Variants in SLC71A2 observed in about 807,000 individuals in gnomAD.
The protein encoded by SLC71A2 is hippocampus abundant transcript-like 1.
chr9:94,392,669 T>A, the SLC71A2 span, among the ~76,000 whole-genome samples: 5 of 152,102 alleles, frequency 3.3e-5, no homozygotes, highest in African/African-American at 1.2e-4. Flanking sequence ...CCCAGCTAAT[T>A]TTTGTATTTT....
the SLC71A2 span, among the ~76,000 whole-genome samples, chr9:94,400,361 G>T: frequency 6.6e-6 from 1 of 151,984 alleles, no homozygotes; most frequent in African/African-American, 2.4e-5. Context: ...CCTGAGGAAA[G>T]AACTCATTGG....
chr9:94,439,949 A>G, the SLC71A2 span, among the ~76,000 whole-genome samples: 8 of 152,206 alleles, frequency 5.3e-5, no homozygotes, highest in South Asian at 1.7e-3. Context: ...TGACTAATGA[A>G]TATTAGTAAA....
chr9:94,448,832 C>T, the SLC71A2 span, among the ~76,000 whole-genome samples: 86 of 152,234 alleles, frequency 5.6e-4, no homozygotes, highest in African/African-American at 2.0e-3. Context: ...AGGGTTTTAC[C>T]ATGTTGGTCA....
chr9:94,391,761 C>T, the SLC71A2 span, among the ~76,000 whole-genome samples: 25 of 149,668 alleles, frequency 1.7e-4, no homozygotes, highest in African/African-American at 4.7e-4. Flanking sequence ...TGGTAGTGGG[C>T]ACGTGTAGTC....
At chr9:94,439,085 G>A in the SLC71A2 span, among the ~76,000 whole-genome samples, 4 of 138,268 alleles carry the variant, frequency 2.9e-5, no homozygotes, top group East Asian at 4.5e-4. Context: ...GCAGTGGCAC[G>A]ATCTTGGCTT....
At chr9:94,381,561 T>A in the SLC71A2 span, among the ~76,000 whole-genome samples, 1 of 152,284 alleles carries the variant, frequency 6.6e-6, no homozygotes, top group South Asian at 2.1e-4. Context: ...AGTTTTTGGC[T>A]ATTACAAATA....
At chr9:94,384,974 G>A in the SLC71A2 span, among the ~76,000 whole-genome samples, 1 of 151,334 alleles carries the variant, frequency 6.6e-6, no homozygotes, top group African/African-American at 2.4e-5. Context: ...TTGTCTTTCT[G>A]CCTTCTCCCT....
chr9:94,411,820 A>C, the SLC71A2 span, among the ~76,000 whole-genome samples: 2 of 151,920 alleles, frequency 1.3e-5, no homozygotes, highest in African/African-American at 4.8e-5. Flanking sequence ...TGAACTCCTG[A>C]CCTCAAGTGA....
chr9:94,434,517 A>G, the SLC71A2 span, among the ~76,000 whole-genome samples: 2 of 151,918 alleles, frequency 1.3e-5, no homozygotes, highest in South Asian at 2.1e-4. Flanking sequence ...GGGTTTCACC[A>G]TGTTCGCCAG....
the SLC71A2 span, among the ~76,000 whole-genome samples, chr9:94,414,683 A>G: frequency 4.6e-3 from 705 of 152,240 alleles, 2 homozygotes; most frequent in Middle Eastern, 6.8e-3. Context: ...CTTTCAAGAT[A>G]GAGTCTTGCT....
chr9:94,445,698 G>A, the SLC71A2 span, among the ~76,000 whole-genome samples: 1 of 151,804 alleles, frequency 6.6e-6, no homozygotes, highest in African/African-American at 2.4e-5. Flanking sequence ...TGGGAAGGTG[G>A]TGTGTCACTG....
the SLC71A2 span, among the ~76,000 whole-genome samples, chr9:94,442,994 C>T: frequency 6.6e-6 from 1 of 152,162 alleles, no homozygotes; most frequent in Non-Finnish European, 1.5e-5. Flanking sequence ...GGACAGCTTT[C>T]TTCTACAGCA....
chr9:94,420,776 G>A, the SLC71A2 span, among the ~76,000 whole-genome samples: 1 of 152,022 alleles, frequency 6.6e-6, no homozygotes, highest in Admixed American at 6.6e-5. Flanking sequence ...GCATGCGCCT[G>A]TAGTCCCAGC....
the SLC71A2 span, among the ~76,000 whole-genome samples, chr9:94,424,897 A>C: frequency 1.4e-5 from 2 of 147,256 alleles, no homozygotes; most frequent in Non-Finnish European, 3.0e-5. Flanking sequence ...GTGCCACCAC[A>C]ACTGGCTTTT....
chr9:94,418,362 A>G, the SLC71A2 span, among the ~76,000 whole-genome samples: 5 of 152,130 alleles, frequency 3.3e-5, no homozygotes, highest in African/African-American at 1.2e-4. Flanking sequence ...GGATTACCAA[A>G]TTTTTAACTG....
chr9:94,401,062 A>T, the SLC71A2 span, among the ~76,000 whole-genome samples: 1 of 151,398 alleles, frequency 6.6e-6, no homozygotes, highest in Non-Finnish European at 1.5e-5. Context: ...AATGACAGTG[A>T]CACATAATGA....
the SLC71A2 span, among the ~76,000 whole-genome samples, chr9:94,390,271 A>G: frequency 6.7e-6 from 1 of 150,110 alleles, no homozygotes; most frequent in South Asian, 2.2e-4. Flanking sequence ...CATAAGGGAA[A>G]CAGACATAAT....
the SLC71A2 span, among the ~76,000 whole-genome samples, chr9:94,454,932 T>C: frequency 1.3e-5 from 2 of 151,978 alleles, no homozygotes; most frequent in Non-Finnish European, 1.5e-5. Flanking sequence ...GAAGGAATCG[T>C]GAGTTTTGTT....
At chr9:94,433,757 C>A in the SLC71A2 span, among the ~76,000 whole-genome samples, 2 of 152,096 alleles carry the variant, frequency 1.3e-5, no homozygotes, top group Non-Finnish European at 2.9e-5. Flanking sequence ...CCTCACAAAA[C>A]CATTAGAATC....
Sources: gnomAD v4.1 joint callset for allele counts (sites outside exome capture counted in the v4.1 genomes callset) on GRCh38, gnomAD v4.1.1 for gene constraint, MANE v1.5 for transcripts, NCBI Gene and HGNC (gene_info 2026-07-23, HGNC 2026-07-21) for gene names.